Variants in PCSK5 observed in about 807,000 individuals in gnomAD.
PCSK5 encodes proprotein convertase subtilisin/kexin type 5, also known as prohormone convertase 5.
In PCSK5, 129 loss-of-function variants were observed where a neutral mutation model predicts 233.2. The ratio of observed to expected loss-of-function variants is 0.55; its 90% confidence interval spans 0.48 to 0.64. The LOEUF is 0.64. PCSK5 is among the 30% of genes least tolerant of loss of function. The pLI is 0.00. For synonymous variants in PCSK5, 825 were observed against 879.2 expected (o/e 0.94, Z 1.09); for missense variants, 2,076 against 2,430.1 (o/e 0.85, Z 3.06).
chr9:76,237,793 T>G (rs1311266249), intron 22 of PCSK5, among the ~76,000 whole-genome samples: 2 of 152,070 alleles, frequency 1.3e-5, no homozygotes, highest in East Asian at 3.9e-4. Flanking sequence ...GAAAATGTAT[T>G]TCAACTATGG....
At chr9:76,114,505 A>G (rs1471973680) in intron 9 of PCSK5, among the ~76,000 whole-genome samples, 1 of 152,134 alleles carries the variant, frequency 6.6e-6, no homozygotes, top group African/African-American at 2.4e-5. Context: ...GATGTCTATT[A>G]TAACTGGAAA....
chr9:76,176,204 T>C (rs1823608536), intron 14 of PCSK5, among the ~76,000 whole-genome samples: 2 of 152,248 alleles, frequency 1.3e-5, no homozygotes, highest in African/African-American at 4.8e-5. Context: ...CAGTGTCAAT[T>C]GAAGCTCTGT....
intron 3 of PCSK5, among the ~76,000 whole-genome samples, chr9:76,003,873 A>G (rs1431487016): frequency 1.3e-5 from 2 of 152,064 alleles, no homozygotes; most frequent in Non-Finnish European, 2.9e-5. Context: ...CAGTGGTGTG[A>G]TCACGGCTCA....
intron 9 of PCSK5, among the ~76,000 whole-genome samples, chr9:76,110,025 C>G (rs1258829989): frequency 6.6e-6 from 1 of 152,124 alleles, no homozygotes; most frequent in Non-Finnish European, 1.5e-5. Flanking sequence ...ACTCATTTAC[C>G]CAGCCCCACC....
At chr9:76,155,042 A>G (rs576433466) in intron 10 of PCSK5, among the ~76,000 whole-genome samples, 2 of 152,324 alleles carry the variant, frequency 1.3e-5, no homozygotes, top group East Asian at 3.9e-4. Context: ...TTTAAAATGA[A>G]TATGCTTACT....
intron 2 of PCSK5, among the ~76,000 whole-genome samples, chr9:75,947,074 A>C (rs527776740): frequency 2.0e-5 from 3 of 152,362 alleles, no homozygotes. Flanking sequence ...TTGTTCCTGC[A>C]GTACGTGTTT....
At chr9:76,256,456 A>G (rs552187323) in intron 24 of PCSK5, among the ~76,000 whole-genome samples, 53 of 152,364 alleles carry the variant, frequency 3.5e-4, no homozygotes, top group Admixed American at 8.5e-4. Context: ...TGGAGGGTTC[A>G]GAAGACCGTC....
At position 76,345,659 on chromosome 9, in the gene PCSK5, T is replaced by TGA. The variant is rs567718076; in HGVS notation, c.4967-5168_4967-5167dup. On this transcript the variant is annotated intron_variant, in intron 35 of 37. Coordinates refer to ENST00000674117, the MANE Select transcript of PCSK5 (RefSeq NM_001372043.1). ...GGATGGTCTCGATCTCCTGACCTCG[T>TGA]GATACACCCGCCTCAGCCTCCCAAA... 3.3e-5 allele frequency among the ~76,000 whole-genome samples: 5 copies of TGA among 152,084 alleles called. No individual in the cohort carries two copies. The East Asian group carries it at 9.7e-4, about 30-fold the overall frequency.
intron 12 of PCSK5, among the ~76,000 whole-genome samples, chr9:76,164,462 A>C (rs769575267): frequency 6.6e-6 from 1 of 152,222 alleles, no homozygotes; most frequent in Non-Finnish European, 1.5e-5. Flanking sequence ...CACAGTGCCT[A>C]GCATAGTAAG....
intron 1 of PCSK5, among the ~76,000 whole-genome samples, chr9:75,901,627 T>TAAA (rs34727969): frequency 4.4e-5 from 6 of 136,984 alleles, no homozygotes; most frequent in African/African-American, 1.1e-4. Flanking sequence ...TCCCAGAACT[T>TAAA]AAAAAAAAAA....
Position 76,354,106 on chromosome 9 carries a change from C to A in PCSK5, c.5141C>A (p.Thr1714Asn). Residue 1714 changes from threonine (T) to asparagine (N), a missense_variant, in exon 37 of 38, where the codon ACC becomes AAC. This residue lies in a region of PCSK5 where 1,510 missense variants were observed against 1,538.1 expected (regional missense o/e 0.98). Coordinates refer to ENST00000674117, the MANE Select transcript of PCSK5 (RefSeq NM_001372043.1). ...AAGGGACCAGGGGCCAAGAACTGCA[C>A]CTTGTGCCCTGCCAACCTGGTGCTG... Reference protein sequence around the residue: ...ECKGPGAKNCTLCPANLVLHM... With the variant: ...ECKGPGAKNCNLCPANLVLHM... The A allele has an allele frequency of 6.2e-7, 1 of 1,606,476 alleles. No individual in the cohort carries two copies. Among genetic ancestry groups the A allele is most frequent in the Non-Finnish European group, 8.5e-7 (1 of 1,177,080 alleles).
chr9:76,121,132 T>G (rs7046887), intron 9 of PCSK5, among the ~76,000 whole-genome samples: 1 of 151,898 alleles, frequency 6.6e-6, no homozygotes, highest in African/African-American at 2.4e-5. Context: ...TCTGTTTCAC[T>G]TTTTGTCAAT....
At chr9:76,198,705 A>T (rs1379099429) in intron 20 of PCSK5, among the ~76,000 whole-genome samples, 1 of 152,212 alleles carries the variant, frequency 6.6e-6, no homozygotes, top group Non-Finnish European at 1.5e-5. Flanking sequence ...TTCCATAAAT[A>T]AATATTATTG....
rs142476011 is a variant in PCSK5, at chr9:76,339,572, T to C, written c.4966+1125T>C. 9.8e-3 allele frequency among the ~76,000 whole-genome samples: 1,489 copies of C among 152,218 alleles called. 24 individuals carry two copies. Among genetic ancestry groups the C allele is most frequent in the African/African-American group, 0.032 (1,332 of 41,522 alleles). On this transcript the variant is annotated intron_variant, in intron 35 of 37. Coordinates refer to ENST00000674117, the MANE Select transcript of PCSK5 (RefSeq NM_001372043.1). ...TGTTTTTGTTTGTTTTGAGATGGAG[T>C]CTCACTCTGTCGCCCAGGCTGGAGT... is the stretch of plus-strand genomic sequence containing the variant.
At chr9:76,283,032 C>G (rs1052449680) in intron 24 of PCSK5, among the ~76,000 whole-genome samples, 2 of 152,138 alleles carry the variant, frequency 1.3e-5, no homozygotes, top group Non-Finnish European at 2.9e-5. Flanking sequence ...GCTACAATCT[C>G]ACAATAAAAT....
chr9:76,056,780 G>C (rs1264983502), intron 5 of PCSK5, among the ~76,000 whole-genome samples: 1 of 152,132 alleles, frequency 6.6e-6, no homozygotes, highest in Non-Finnish European at 1.5e-5. Context: ...AAGAGAATCA[G>C]AAGTGATGCA....
At chr9:76,313,201 T>C (rs1300273516) in intron 30 of PCSK5, among the ~76,000 whole-genome samples, 1 of 152,222 alleles carries the variant, frequency 6.6e-6, no homozygotes, top group African/African-American at 2.4e-5. Context: ...CTCTCTGGCA[T>C]TGAAGTCCAT....
At chr9:76,294,134 T>A (rs575170201) in intron 25 of PCSK5, among the ~76,000 whole-genome samples, 1 of 144,568 alleles carries the variant, frequency 6.9e-6, no homozygotes. Context: ...GAGGTGGAGG[T>A]GGCAGTGAGC....
At chr9:76,291,704 A>G (rs1828282427) in intron 24 of PCSK5, among the ~76,000 whole-genome samples, 1 of 152,214 alleles carries the variant, frequency 6.6e-6, no homozygotes, top group African/African-American at 2.4e-5. Context: ...TAATGAGAAC[A>G]AGACAGTTTT....
Sources: allele counts gnomAD v4.1 joint callset (sites outside exome capture counted in the v4.1 genomes callset), GRCh38; gene constraint gnomAD v4.1.1; regional missense constraint gnomAD v4.1.1; transcripts MANE v1.5; gene names NCBI Gene and HGNC (gene_info 2026-07-23, HGNC 2026-07-21).